Variants in DSCAM observed in about 807,000 individuals in gnomAD.
DSCAM encodes the protein cell adhesion molecule DSCAM.
In DSCAM, 47 loss-of-function variants were observed where a neutral mutation model predicts 217.7. The ratio of observed to expected loss-of-function variants is 0.22; its 90% confidence interval spans 0.17 to 0.28. The LOEUF (loss-of-function observed/expected upper bound fraction) is 0.28, where lower values mean the gene tolerates loss of function less well. Ranked by LOEUF, DSCAM falls within the 10% of genes least tolerant of loss-of-function variation. The probability of loss-of-function intolerance (pLI) is 1.00; values close to 1 mark genes in which losing one functional copy is unlikely to be tolerated. For synonymous variants in DSCAM, 1,056 were observed against 1,015.3 expected, an observed-to-expected ratio of 1.04 and a Z score of -0.76; for missense variants, 2,080 against 2,618.3, an observed-to-expected ratio of 0.79 and a Z score of 4.49.
intron 3 of DSCAM, among the ~76,000 whole-genome samples, chr21:40,574,750 C>G (rs1172718929): frequency 6.8e-6 from 1 of 147,370 alleles, no homozygotes; most frequent in Non-Finnish European, 1.5e-5. Flanking sequence ...GCTCTGTCGC[C>G]TAGGCTGGGT....
chr21:40,282,667 A>C (rs2073778531), intron 10 of DSCAM, among the ~76,000 whole-genome samples: 1 of 151,792 alleles, frequency 6.6e-6, no homozygotes, highest in Non-Finnish European at 1.5e-5. Context: ...GTATTTAAGA[A>C]ACTGAAAATC....
intron 3 of DSCAM, among the ~76,000 whole-genome samples, chr21:40,433,555 G>C (rs1569121243): frequency 6.6e-6 from 1 of 152,316 alleles, no homozygotes. Flanking sequence ...AGCTTGGAGA[G>C]AGTTGGATTT....
intron 11 of DSCAM, among the ~76,000 whole-genome samples, chr21:40,216,774 C>A (rs549253127): frequency 2.0e-5 from 3 of 152,328 alleles, no homozygotes; most frequent in South Asian, 2.1e-4. Context: ...CCAACCAGTG[C>A]CCCCATGAGA....
At chr21:40,570,403 C>T (rs148936818) in intron 3 of DSCAM, among the ~76,000 whole-genome samples, 1 of 152,144 alleles carries the variant, frequency 6.6e-6, no homozygotes, top group Non-Finnish European at 1.5e-5. Context: ...ATCACCAGCC[C>T]GACAGAAGGA....
At chr21:40,302,909 T>A (rs2074032138) in intron 9 of DSCAM, among the ~76,000 whole-genome samples, 1 of 152,192 alleles carries the variant, frequency 6.6e-6, no homozygotes, top group South Asian at 2.1e-4. Flanking sequence ...AATAATACTA[T>A]GGTTATAATA....
intron 3 of DSCAM, among the ~76,000 whole-genome samples, chr21:40,547,401 C>A (rs772183676): frequency 3.3e-4 from 51 of 152,310 alleles, no homozygotes; most frequent in Non-Finnish European, 2.9e-4. Flanking sequence ...AAAGCTAATT[C>A]TTCAAAAGCC....
intron 4 of DSCAM, among the ~76,000 whole-genome samples, chr21:40,368,703 T>C (rs1465802042): frequency 6.6e-6 from 1 of 152,232 alleles, no homozygotes; most frequent in Admixed American, 6.5e-5. Flanking sequence ...CCTTATAGGA[T>C]ATTTACCACA....
rs373749669 is a variant in DSCAM at position 40,338,088 on chromosome 21, G to T, written c.1783+13C>A. ...GGAATGAGTTGTGTGGGAACCAGGAGAACAGGGCTTACCTTTCACGGTCAC... is the reference window on the plus strand; with the variant it reads ...GGAATGAGTTGTGTGGGAACCAGGATAACAGGGCTTACCTTTCACGGTCAC... On this transcript the variant is annotated intron_variant, in intron 8 of 32. Coordinates refer to ENST00000400454, the MANE Select transcript of DSCAM (RefSeq NM_001389.5). 78 of 1,612,050 alleles carry T rather than the reference G, an allele frequency of 4.8e-5. 1 individual carries two copies. The highest frequency in any genetic ancestry group is 6.5e-5 in the Non-Finnish European group (77 of 1,179,254).
At chr21:40,158,999 C>T (rs144585922) in intron 16 of DSCAM, among the ~76,000 whole-genome samples, 152 of 152,154 alleles carry the variant, frequency 1.0e-3, no homozygotes, top group Non-Finnish European at 1.6e-3. Flanking sequence ...TAGTGAAATA[C>T]GTTTGAAGGC....
intron 11 of DSCAM, among the ~76,000 whole-genome samples, chr21:40,206,759 T>C (rs2091131393): frequency 6.8e-6 from 1 of 146,316 alleles, no homozygotes; most frequent in African/African-American, 2.5e-5. Flanking sequence ...AATAAAATAA[T>C]AAATAACTGA....
chr21:40,156,745 G>C (rs942210057), intron 16 of DSCAM, among the ~76,000 whole-genome samples: 10 of 152,190 alleles, frequency 6.6e-5, no homozygotes, highest in African/African-American at 2.4e-4. Context: ...AAGAAGTCCA[G>C]GCTGAGGAGT....
At chr21:40,310,062 A>G (rs542828168) in intron 9 of DSCAM, among the ~76,000 whole-genome samples, 1 of 152,352 alleles carries the variant, frequency 6.6e-6, no homozygotes, top group Admixed American at 6.5e-5. Context: ...TGGATTTTAC[A>G]AATTATTGAT....
At chr21:40,045,742 C>A (rs1322685113) in intron 30 of DSCAM, among the ~76,000 whole-genome samples, 1 of 152,204 alleles carries the variant, frequency 6.6e-6, no homozygotes, top group Non-Finnish European at 1.5e-5. Context: ...CACTTCTAAA[C>A]CCAGCAGACT....
intron 3 of DSCAM, among the ~76,000 whole-genome samples, chr21:40,415,685 A>C (rs1874199560): frequency 6.6e-6 from 1 of 152,156 alleles, no homozygotes; most frequent in African/African-American, 2.4e-5. Flanking sequence ...TCTAAGGGAG[A>C]TCTCACACCC....
At chr21:40,814,270 C>T (rs2091863133) in intron 1 of DSCAM, among the ~76,000 whole-genome samples, 1 of 152,232 alleles carries the variant, frequency 6.6e-6, no homozygotes, top group African/African-American at 2.4e-5. Flanking sequence ...TGGCTCTGCA[C>T]AGGTCCAGTT....
At chr21:40,345,048 C>G (rs1234161119) in intron 6 of DSCAM, among the ~76,000 whole-genome samples, 2 of 152,112 alleles carry the variant, frequency 1.3e-5, no homozygotes, top group African/African-American at 4.8e-5. Context: ...CTTCTCTAAT[C>G]TTGTATTAAA....
chr21:40,363,252 CT>C (rs35756323), intron 4 of DSCAM, among the ~76,000 whole-genome samples: 82 of 116,156 alleles, frequency 7.1e-4, no homozygotes, highest in Admixed American at 1.5e-3. Context: ...TTTTTGTGTT[CT>C]TTTTTTTTTT....
intron 20 of DSCAM, among the ~76,000 whole-genome samples, chr21:40,116,525 A>C (rs573279380): frequency 6.6e-6 from 1 of 152,122 alleles, no homozygotes; most frequent in South Asian, 2.1e-4. Context: ...CTGGGGCTAC[A>C]GTAATCCTTG....
rs1352801211 is a variant in DSCAM at position 40,187,256 on chromosome 21, G to A, written c.2654C>T (p.Pro885Leu). 1 of 1,613,902 alleles carries A rather than the reference G, an allele frequency of 6.2e-7. No individual in the cohort carries two copies. The highest frequency in any genetic ancestry group is 8.5e-7 in the Non-Finnish European group (1 of 1,179,900). ...RGIIQLTVQE[P>L]PDPPEIEIKD... ...GATCTCAATTTCGGGAGGGTCTGGG[G>A]GCTCTGTGCCATCAACAGAAAGACT... is the stretch of plus-strand genomic sequence containing the variant. Residue 885 changes from proline (P) to leucine (L), a missense_variant, in exon 14 of 33, where the codon CCC becomes CTC. By Grantham distance (98) the Pro-to-Leu change is moderately conservative (BLOSUM62 -3). This residue lies in a region of DSCAM where 1,144 missense variants were observed against 1,421.1 expected (regional missense o/e 0.81). Transcript: ENST00000400454.
Sources: allele counts gnomAD v4.1 joint callset (sites outside exome capture counted in the v4.1 genomes callset), GRCh38; gene constraint gnomAD v4.1.1; regional missense constraint gnomAD v4.1.1; transcripts MANE v1.5; gene names NCBI Gene and HGNC (gene_info 2026-07-23, HGNC 2026-07-21).